MARCHF1: variants seen among roughly 807,000 people sequenced by gnomAD.
MARCHF1 encodes the protein membrane associated ring-CH-type finger 1, also known as E3 ubiquitin-protein ligase MARCHF1.
In MARCHF1, 40 loss-of-function variants were observed where a neutral mutation model predicts 54.2. That is an observed-to-expected ratio of 0.74 (90% CI 0.57 to 0.96). MARCHF1 has a LOEUF of 0.96. Among genes scored for constraint, MARCHF1 ranks in the 40% least tolerant of loss-of-function variants. The probability of loss-of-function intolerance (pLI) is 0.00; values close to 1 mark genes in which losing one functional copy is unlikely to be tolerated. For synonymous variants in MARCHF1, 236 were observed against 236.3 expected, an observed-to-expected ratio of 1.00 and a Z score of 0.01; for missense variants, 586 against 656.5, an observed-to-expected ratio of 0.89 and a Z score of 1.17.
At chr4:163,884,414 C>A (rs190243449) in intron 3 of MARCHF1, among the ~76,000 whole-genome samples, 1 of 152,018 alleles carries the variant, frequency 6.6e-6, no homozygotes, top group East Asian at 1.9e-4. Context: ...TTTCTTTATT[C>A]TTCTTTGTAG....
chr4:164,219,553 T>C (rs979988214), intron 1 of MARCHF1, among the ~76,000 whole-genome samples: 1 of 152,010 alleles, frequency 6.6e-6, no homozygotes, highest in African/African-American at 2.4e-5. Flanking sequence ...TTCAGAGATA[T>C]GAATCCTTCA....
intron 1 of MARCHF1, among the ~76,000 whole-genome samples, chr4:164,173,947 C>T (rs373322213): frequency 3.3e-5 from 5 of 152,148 alleles, no homozygotes; most frequent in Admixed American, 1.3e-4. Flanking sequence ...TTTATAAGTG[C>T]CATTCTATTG....
chr4:164,264,405 A>G (rs1177824283), intron 1 of MARCHF1, among the ~76,000 whole-genome samples: 2 of 152,214 alleles, frequency 1.3e-5, no homozygotes, highest in African/African-American at 4.8e-5. Flanking sequence ...TACCTGGGCG[A>G]TGAAATAATC....
intron 3 of MARCHF1, among the ~76,000 whole-genome samples, chr4:163,921,652 T>C (rs1751433134): frequency 6.6e-6 from 1 of 152,160 alleles, no homozygotes; most frequent in African/African-American, 2.4e-5. Context: ...GTGTTGGATT[T>C]AAAATGGCTA....
At chr4:164,088,468 C>G (rs773905136) in intron 2 of MARCHF1, among the ~76,000 whole-genome samples, 9 of 152,136 alleles carry the variant, frequency 5.9e-5, no homozygotes, top group Non-Finnish European at 1.2e-4. Flanking sequence ...CCAGGTGTGG[C>G]AGCTCACACC....
intron 2 of MARCHF1, among the ~76,000 whole-genome samples, chr4:163,990,692 A>C (rs1321581093): frequency 6.6e-6 from 1 of 152,174 alleles, no homozygotes; most frequent in African/African-American, 2.4e-5. Flanking sequence ...GAAGTTCCTT[A>C]ATTTAATAAT....
chr4:163,860,243 T>C (rs576754467), intron 3 of MARCHF1, among the ~76,000 whole-genome samples: 4 of 152,214 alleles, frequency 2.6e-5, no homozygotes, highest in African/African-American at 7.2e-5. Context: ...CGATATATTA[T>C]TGGAGACACA....
At position 164,276,947 on chromosome 4, in the gene MARCHF1, T is replaced by TATATATATATATAGAGAG. The variant is rs1392528920; in HGVS notation, c.-323+106922_-323+106923insCTCTCTATATATATATAT. On this transcript the variant is annotated intron_variant, in intron 1 of 9. Coordinates refer to ENST00000514618, the MANE Select transcript of MARCHF1 (RefSeq NM_001394959.1). ...ATGTCTCATATTCTATATATATATA[T>TATATATATATATAGAGAG]AGAGAGAGAGAGAGAGAGAGACAGA... Among the ~76,000 whole-genome samples the TATATATATATATAGAGAG allele has an allele frequency of 5.0e-4, 59 of 118,788 alleles. No homozygotes were observed. The South Asian group carries it at 5.9e-3, about 12-fold the overall frequency. 77.9% of individuals were successfully genotyped at this position (118,788 alleles called of 152,430 possible).
intron 1 of MARCHF1, among the ~76,000 whole-genome samples, chr4:164,379,884 G>T (rs1419702038): frequency 6.6e-6 from 1 of 151,692 alleles, no homozygotes; most frequent in Non-Finnish European, 1.5e-5. Flanking sequence ...TGAGGCAGAG[G>T]TTTCAGTAAG....
chr4:164,127,785 G>T (rs1383994924), intron 1 of MARCHF1, among the ~76,000 whole-genome samples: 2 of 152,098 alleles, frequency 1.3e-5, no homozygotes, highest in African/African-American at 4.8e-5. Flanking sequence ...TTAATCCAAG[G>T]TAAGACAGAA....
At chr4:163,620,600 CACACACAGAG>C (rs1383461439) in intron 5 of MARCHF1, among the ~76,000 whole-genome samples, 15 of 76,848 alleles carry the variant, frequency 2.0e-4, no homozygotes, top group Non-Finnish European at 2.5e-4. Context: ...CACACACACA[CACACACAGAG>C]AGAGAGAGAG....
intron 1 of MARCHF1, among the ~76,000 whole-genome samples, chr4:164,318,257 T>C (rs1735049312): frequency 6.6e-6 from 1 of 152,118 alleles, no homozygotes; most frequent in Non-Finnish European, 1.5e-5. Flanking sequence ...AAAAAGACAG[T>C]GGACTACAGC....
At chr4:164,283,231 A>G (rs1225517670) in intron 1 of MARCHF1, among the ~76,000 whole-genome samples, 1 of 151,104 alleles carries the variant, frequency 6.6e-6, no homozygotes, top group Non-Finnish European at 1.5e-5. Context: ...AATCAGCAAC[A>G]CAAAAATTCA....
intron 1 of MARCHF1, among the ~76,000 whole-genome samples, chr4:164,261,385 A>C (rs1733460584): frequency 6.6e-6 from 1 of 152,218 alleles, no homozygotes; most frequent in Non-Finnish European, 1.5e-5. Flanking sequence ...GTCCAAAATC[A>C]TACATTCCTG....
chr4:163,776,101 T>C (rs1173392545), intron 4 of MARCHF1, among the ~76,000 whole-genome samples: 1 of 152,192 alleles, frequency 6.6e-6, no homozygotes, highest in Non-Finnish European at 1.5e-5. Context: ...TAGATTCTAC[T>C]ATGTGTCAGA....
At chr4:163,883,583 A>C (rs956220395) in intron 3 of MARCHF1, among the ~76,000 whole-genome samples, 1 of 152,192 alleles carries the variant, frequency 6.6e-6, no homozygotes, top group Admixed American at 6.5e-5. Flanking sequence ...TTATGGTTAC[A>C]ATATATTTTT....
chr4:164,140,239 C>CACTATA (rs144974771), intron 1 of MARCHF1, among the ~76,000 whole-genome samples: 9 of 147,382 alleles, frequency 6.1e-5, no homozygotes, highest in African/African-American at 1.7e-4. Context: ...TACACACACA[C>CACTATA]TATATATATA....
chr4:164,369,229 TGAAGGGGGACTG>T (rs1246506058), intron 1 of MARCHF1, among the ~76,000 whole-genome samples: 1 of 152,256 alleles, frequency 6.6e-6, no homozygotes, highest in East Asian at 1.9e-4. Flanking sequence ...CAACAATCCT[TGAAGGGGGACTG>T]GGTGGTTCTT....
chr4:164,303,385 T>G (rs1219280144), intron 1 of MARCHF1, among the ~76,000 whole-genome samples: 1 of 152,210 alleles, frequency 6.6e-6, no homozygotes, highest in Non-Finnish European at 1.5e-5. Context: ...GGAAGAACAC[T>G]TAGCAAAAGC....
Sources: allele counts gnomAD v4.1 joint callset (sites outside exome capture counted in the v4.1 genomes callset), GRCh38; gene constraint gnomAD v4.1.1; transcripts MANE v1.5; gene names NCBI Gene and HGNC (gene_info 2026-07-23, HGNC 2026-07-21).